UBR4: variants seen among roughly 807,000 people sequenced by gnomAD.
The protein encoded by UBR4 is E3 ubiquitin-protein ligase UBR4.
Under a neutral mutation model 575.6 loss-of-function variants are expected in UBR4, and 124 were observed. The ratio of observed to expected loss-of-function variants is 0.22; its 90% CI spans 0.19 to 0.25. The LOEUF is 0.25. Among genes scored for constraint, UBR4 ranks in the 10% least tolerant of loss-of-function variants. The probability of loss-of-function intolerance (pLI) is 1.00; values close to 1 mark genes in which losing one functional copy is unlikely to be tolerated. For missense variants in UBR4, 4,818 were observed against 6,478.8 expected (o/e 0.74, Z 8.80); for synonymous variants, 2,455 against 2,473.7 (o/e 0.99, Z 0.22).
At chr1:19,154,172 C>A (rs1212579730) in intron 44 of UBR4, among the ~76,000 whole-genome samples, 1 of 152,188 alleles carries the variant, frequency 6.6e-6, no homozygotes, top group Non-Finnish European at 1.5e-5. Flanking sequence ...TGTGAGGTTC[C>A]ATGTCCGAAG....
At chr1:19,163,568 C>A (rs2087763223) in intron 34 of UBR4, among the ~76,000 whole-genome samples, 196 bp downstream of exon 34, 1 of 152,212 alleles carries the variant, frequency 6.6e-6, no homozygotes, top group Non-Finnish European at 1.5e-5. Context: ...TCCTTCCCAT[C>A]ACTTCTTGCC....
chr1:19,190,007 C>A (rs79910580), intron 11 of UBR4, among the ~76,000 whole-genome samples: 2,993 of 152,112 alleles, frequency 0.02, 41 homozygotes, highest in South Asian at 0.056. Context: ...TTTGACATGG[C>A]CAGGCAGATT....
chr1:19,189,599 A>G lies in UBR4; in HGVS notation c.1395-2059T>C, dbSNP rs1426484039. 2.0e-5 allele frequency among the ~76,000 whole-genome samples: 3 copies of G among 152,300 alleles called. No homozygotes were observed. In the South Asian group the frequency reaches 6.2e-4, roughly 32 times the overall value. On this transcript the variant is annotated intron_variant, in intron 11 of 105. Transcript: ENST00000375254. ...ATGTGCACAGAAAAATGTCTGAAGG[A>G]ATGTTTACCAATTTGAGTGGTAGAA... is the stretch of plus-strand genomic sequence containing the variant.
chr1:19,199,350 T>C (rs1454326480), intron 3 of UBR4, among the ~76,000 whole-genome samples: 9 of 152,180 alleles, frequency 5.9e-5, no homozygotes. Flanking sequence ...TTGCAATCCT[T>C]GAGAAGACTC....
In UBR4 at chr1:19,169,416, G is replaced by A; in HGVS notation, c.3741+19C>T. On this transcript the variant is annotated intron_variant, in intron 27 of 105. Coordinates refer to ENST00000375254, the MANE Select transcript of UBR4 (RefSeq NM_020765.3). ...GGCTAGCACTCAGTATTTCTACCCT[G>A]GAACAGATAGGGACTCACCCAGGAT... is the stretch of plus-strand genomic sequence containing the variant. The A allele has an allele frequency of 1.2e-6, 2 of 1,604,116 alleles. No individual in the cohort carries two copies. The highest frequency in any genetic ancestry group is 1.7e-6 in the Non-Finnish European group (2 of 1,174,652).
chr1:19,102,008 A>C (rs1217372537), intron 87 of UBR4, among the ~76,000 whole-genome samples: 2 of 152,252 alleles, frequency 1.3e-5, no homozygotes, highest in African/African-American at 2.4e-5. Context: ...TTCCAGTCAA[A>C]TCAAAAGGAA....
Position 19,112,886 on chromosome 1 carries a change from C to A in UBR4, c.11458-19G>T. 1.3e-6 allele frequency: 2 copies of A among 1,535,118 alleles called. No individual in the cohort carries two copies. The highest frequency in any genetic ancestry group is 8.8e-7 in the Non-Finnish European group (1 of 1,140,304). ...AGACTTTCTAAGAACAAAAAGGCAA[C>A]AATAATGGGAATTAGCAATTAAAAT... On this transcript the variant is annotated intron_variant, in intron 77 of 105. Coordinates refer to ENST00000375254, the MANE Select transcript of UBR4 (RefSeq NM_020765.3).
Position 19,093,217 on chromosome 1 carries a change from G to A in UBR4, c.14111+96C>T, listed in dbSNP as rs538474077. On this transcript the variant is annotated intron_variant, in intron 96 of 105. Transcript: ENST00000375254. This position sits in a 1 kb window ranked among gnomAD's most constrained non-coding sequence, Gnocchi z 4.8. ...TTGGGAGGCCCCAAGGAGGGCAAGG[G>A]GCACACGTGAAGCTTTATGCCAAGA... The A allele has an allele frequency of 2.7e-6, 4 of 1,483,400 alleles. No homozygotes were observed. Among genetic ancestry groups the A allele is most frequent in the African/African-American group, 1.4e-5 (1 of 71,650 alleles). 91.9% of individuals were successfully genotyped at this position (1,483,400 alleles called of 1,614,324 possible).
rs748634892 is a variant in UBR4, at chr1:19,117,824, C to T, written c.10628G>A (p.Cys3543Tyr). Residue 3543 changes from cysteine (C) to tyrosine (Y), a missense_variant and splice_region_variant, in exon 72 of 106, where the codon TGT (cysteine) becomes TAT (tyrosine). Cys to Tyr is a radical substitution (Grantham distance 194). This residue lies in a region of UBR4 where 550 missense variants were observed against 791.5 expected (regional missense o/e 0.69). Coordinates refer to ENST00000375254, the MANE Select transcript of UBR4 (RefSeq NM_020765.3). The surrounding 1 kb of genome is among the most constrained non-coding windows in gnomAD (Gnocchi z 4.0). ...LVCNNPEVPFCYIKLSSIKVD... is the reference protein window; with the variant it reads ...LVCNNPEVPFYYIKLSSIKVD... ...TGTCCATGTACAGATGTTACTTACA[C>T]AGAACGGTACTTCCGGGTTATTACA... The T allele has an allele frequency of 1.2e-6, 2 of 1,614,180 alleles. No homozygotes were observed. The highest frequency in any genetic ancestry group is 1.7e-6 in the Non-Finnish European group (2 of 1,179,984).
chr1:19,118,010 A>T, intron 71 of UBR4, 100 bp from the exon 72 acceptor site: 2 of 1,133,930 alleles, frequency 1.8e-6, no homozygotes, highest in Non-Finnish European at 2.6e-6. Context: ...ATGTGAGCCA[A>T]AGTGAGCCCA....
At position 19,162,631 on chromosome 1, in the gene UBR4, G is replaced by T; in HGVS notation, c.4765-20C>A. The T allele has an allele frequency of 6.3e-7, 1 of 1,593,062 alleles. No individual in the cohort carries two copies. On this transcript the variant is annotated intron_variant, in intron 34 of 105. Coordinates refer to ENST00000375254, the MANE Select transcript of UBR4 (RefSeq NM_020765.3). ...CACATGCTGTAAGAGAAGCCCCACA[G>T]CAACTTCAGATTCTCCATGTTTCAT...
At chr1:19,209,605 T>C (rs1244253151) in intron 1 of UBR4, among the ~76,000 whole-genome samples, 2 of 152,186 alleles carry the variant, frequency 1.3e-5, no homozygotes, top group Admixed American at 1.3e-4. Context: ...GTCATCAATG[T>C]AGCTAGTGGC....
rs1570650895 is a variant in UBR4 at position 19,114,711 on chromosome 1, A to G, written c.11202+100T>C. 2.7e-6 allele frequency: 4 copies of G among 1,479,724 alleles called. No individual in the cohort carries two copies. In the East Asian group the frequency reaches 9.1e-5, roughly 34 times the overall value. 91.7% of individuals were successfully genotyped at this position (1,479,724 alleles called of 1,614,324 possible). A position where few individuals can be genotyped will look rare whatever the true frequency, so the allele number is the denominator to read the frequency against. ...CCCTGAAACTGGTGTTGAGTCGAAG[A>G]AGGCTTAGGCTAGAAAGTAAAGTGC... is the stretch of plus-strand genomic sequence containing the variant. On this transcript the variant is annotated intron_variant, in intron 75 of 105. Coordinates refer to ENST00000375254, the MANE Select transcript of UBR4 (RefSeq NM_020765.3).
At chr1:19,112,248 T>C (rs2079979117) in intron 78 of UBR4, 1 of 401,578 alleles carries the variant, frequency 2.5e-6, no homozygotes, top group Admixed American at 4.3e-5. Context: ...CTCCCTTCCC[T>C]TCCCTCACAA....
chr1:19,141,888 C>A, intron 55 of UBR4, 111 bp from the exon 56 acceptor site: 1 of 1,494,062 alleles, frequency 6.7e-7, no homozygotes, highest in Non-Finnish European at 9.0e-7. Context: ...AGCTAGCACC[C>A]TGGGCTTTAG....
Position 19,089,110 on chromosome 1 carries a change from T to C in UBR4, c.14212-133A>G. On this transcript the variant is annotated intron_variant, in intron 97 of 105. Coordinates refer to ENST00000375254, the MANE Select transcript of UBR4 (RefSeq NM_020765.3). This position sits in a 1 kb window ranked among gnomAD's most constrained non-coding sequence, Gnocchi z 4.3. ...ACCTGCTCAGCTGCAATCAGGTCCT[T>C]TGATTCCACACTTTGACAGACACAG... 1.2e-6 allele frequency: 1 copy of C among 865,808 alleles called. No homozygotes were observed. The highest frequency in any genetic ancestry group is 1.8e-6 in the Non-Finnish European group (1 of 562,792). 53.6% of individuals were successfully genotyped at this position (865,808 alleles called of 1,614,324 possible).
rs1180106879 is a variant in UBR4, at chr1:19,201,750, G to T, written c.242C>A (p.Ser81Tyr). 1.2e-6 allele frequency: 2 copies of T among 1,614,092 alleles called. No individual in the cohort carries two copies. Among genetic ancestry groups the T allele is most frequent in the East Asian group, 2.2e-5 (1 of 44,880 alleles). Residue 81 changes from serine to tyrosine, a missense_variant, in exon 2 of 106, where the codon TCC becomes TAC. Ser to Tyr is a moderately radical substitution (Grantham distance 144). Coordinates refer to ENST00000375254, the MANE Select transcript of UBR4 (RefSeq NM_020765.3). ...GCAAACTGTTGTAATATAGTGTGTG[G>T]AAAGTGCAACAAAAGATGAGTAGAA... ...EPFYSSFVAL[S>Y]THYITTVCSL...
Position 19,094,136 on chromosome 1 carries a change from T to C in UBR4, c.13750A>G (p.Asn4584Asp). ...TCCTTGTCACCTGTCAGGAGGAGGT[T>C]GCCCTGCAACAGAAAAGAGGGTGAA... ...NAEPLSEDKG[N>D]LLLTGDKDQL... The change falls in exon 95 of 106, where the codon AAC becomes GAC. Residue 4584 changes from asparagine (N) to aspartate (D), a missense_variant. By Grantham distance (23) the Asn-to-Asp change is conservative. Coordinates refer to ENST00000375254, the MANE Select transcript of UBR4 (RefSeq NM_020765.3). 6.2e-7 allele frequency: 1 copy of C among 1,612,430 alleles called. No homozygotes were observed. The highest frequency in any genetic ancestry group is 8.5e-7 in the Non-Finnish European group (1 of 1,179,358).
chr1:19,084,753 A>G (rs769342253), intron 101 of UBR4, 55 bp from the exon 102 acceptor site: 539 of 1,532,508 alleles, frequency 3.5e-4, no homozygotes, highest in Non-Finnish European at 4.6e-4. Flanking sequence ...GTGAAAACCC[A>G]GTTTGGGAGA....
Sources: gnomAD v4.1 joint callset for allele counts (sites outside exome capture counted in the v4.1 genomes callset) on GRCh38, gnomAD v4.1.1 for gene constraint, gnomAD v4.1.1 regional missense constraint, Gnocchi (gnomAD v3.1) non-coding constraint, MANE v1.5 for transcripts, NCBI Gene and HGNC (gene_info 2026-07-23, HGNC 2026-07-21) for gene names.